Variants in ERICH6B observed in about 807,000 individuals in gnomAD.
The protein encoded by ERICH6B is glutamate rich 6B.
A neutral mutation model predicts 80.0 loss-of-function variants in ERICH6B; 69 were observed. The observed-to-expected ratio is 0.86, with a 90% confidence interval of 0.71 to 1.05. The LOEUF (loss-of-function observed/expected upper bound fraction) is 1.05. Ranked by LOEUF, ERICH6B falls within the 50% of genes least tolerant of loss-of-function variation. The pLI is 0.00. For synonymous variants in ERICH6B, 283 were observed against 291.9 expected, an observed-to-expected ratio of 0.97 and a Z score of 0.31; for missense variants, 754 against 796.1, an observed-to-expected ratio of 0.95 and a Z score of 0.64.
At chr13:45,602,331 C>T (rs1036939450) in intron 2 of ERICH6B, among the ~76,000 whole-genome samples, 1 of 152,206 alleles carries the variant, frequency 6.6e-6, no homozygotes, top group Admixed American at 6.5e-5. Flanking sequence ...AATGTGTCAG[C>T]ACATTTTCTG....
At chr13:45,558,283 T>C (rs543385416) in intron 11 of ERICH6B, among the ~76,000 whole-genome samples, 5 of 152,222 alleles carry the variant, frequency 3.3e-5, no homozygotes, top group Non-Finnish European at 5.9e-5. Flanking sequence ...TGTACACTAA[T>C]TTTGTATCTG....
At chr13:45,556,725 T>C (rs938071171) in intron 11 of ERICH6B, among the ~76,000 whole-genome samples, 1 of 152,166 alleles carries the variant, frequency 6.6e-6, no homozygotes. Flanking sequence ...GCAAATACCA[T>C]TAATTCGTTC....
At chr13:45,606,553 T>A (rs3992927) in intron 2 of ERICH6B, among the ~76,000 whole-genome samples, 1,053 of 24,224 alleles carry the variant, frequency 0.043, 7 homozygotes, top group Non-Finnish European at 0.11. Context: ...ATATATTTTT[T>A]TTTTTTTTTT....
intron 8 of ERICH6B, 25 bp downstream of exon 8, chr13:45,574,817 G>A (rs543245753): frequency 2.6e-6 from 4 of 1,510,396 alleles, no homozygotes; most frequent in Non-Finnish European, 3.6e-6. Flanking sequence ...CTGGGGGGGG[G>A]GTCTCAAGTT....
chr13:45,561,347 A>T, intron 11 of ERICH6B, 22 bp downstream of exon 11: 7 of 1,542,622 alleles, frequency 4.5e-6, no homozygotes, highest in Non-Finnish European at 4.4e-6. Context: ...AGTAAAAAAC[A>T]GCAATGTACT....
chr13:45,577,276 CTTTTTTTT>C lies in ERICH6B; in HGVS notation c.962-2354_962-2347del, dbSNP rs34244794. ...TCTCCTGGACTGATTAAAAACAAAT[CTTTTTTTT>C]TTTTTTTTTTTTTTTTTTGAGACGG... is the stretch of plus-strand genomic sequence containing the variant. On this transcript the variant is annotated intron_variant, in intron 7 of 14. Transcript: ENST00000298738. 9.3e-5 allele frequency among the ~76,000 whole-genome samples: 8 copies of C among 86,094 alleles called. No individual in the cohort carries two copies. In the South Asian group the frequency reaches 1.6e-3, roughly 18 times the overall value. The allele number at this position is 86,094 out of a possible 152,430, so 56.5% of individuals were successfully genotyped here.
Position 45,571,083 on chromosome 13 carries a change from C to T in ERICH6B, c.1051-2632G>A, listed in dbSNP as rs116779885. 1.7e-3 allele frequency among the ~76,000 whole-genome samples: 259 copies of T among 152,328 alleles called. 1 individual carries two copies. The highest frequency in any genetic ancestry group is 6.0e-3 in the African/African-American group (251 of 41,576). ...GACGTGCTGCTTTGCCAAGCTGCAT[C>T]ACTGCCTATCCTGGGAATGCAGTGT... is the stretch of plus-strand genomic sequence containing the variant. On this transcript the variant is annotated intron_variant, in intron 8 of 14. Coordinates refer to ENST00000298738, the MANE Select transcript of ERICH6B (RefSeq NM_182542.3).
At chr13:45,594,374 G>A (rs908547086) in intron 3 of ERICH6B, among the ~76,000 whole-genome samples, 4 of 152,122 alleles carry the variant, frequency 2.6e-5, no homozygotes, top group Non-Finnish European at 1.5e-5. Context: ...CATTGTATTT[G>A]TCCTACTCTA....
At chr13:45,564,039 C>G (rs1346381939) in intron 9 of ERICH6B, among the ~76,000 whole-genome samples, 1 of 152,166 alleles carries the variant, frequency 6.6e-6, no homozygotes, top group Admixed American at 6.5e-5. Context: ...AACCCTAAAC[C>G]CTTCGAAACG....
intron 5 of ERICH6B, among the ~76,000 whole-genome samples, chr13:45,582,592 C>G (rs1175539606): frequency 6.6e-6 from 1 of 152,152 alleles, no homozygotes; most frequent in African/African-American, 2.4e-5. Context: ...ATAAATATTC[C>G]TTCTAAATCT....
chr13:45,572,031 A>G (rs1875194366), intron 8 of ERICH6B, among the ~76,000 whole-genome samples: 2 of 152,228 alleles, frequency 1.3e-5, no homozygotes, highest in South Asian at 4.1e-4. Context: ...GGCTTAGCAA[A>G]CTAATACAGA....
chr13:45,586,972 C>T lies in ERICH6B; in HGVS notation c.856+91G>A, dbSNP rs955390713. On this transcript the variant is annotated intron_variant, in intron 5 of 14. Transcript: ENST00000298738. ...TATCATTAGCATGAAAGGCAATACT[C>T]GAGCCACAATATTTCACATGCACAA... 3.0e-5 allele frequency: 40 copies of T among 1,347,454 alleles called. No homozygotes were observed. In the African/African-American group the frequency reaches 3.8e-4, roughly 13 times the overall value. 83.5% of individuals were successfully genotyped at this position (1,347,454 alleles called of 1,614,324 possible). A position where few individuals can be genotyped will look rare whatever the true frequency, so the allele number is the denominator to read the frequency against.
intron 14 of ERICH6B, among the ~76,000 whole-genome samples, chr13:45,542,352 C>A (rs929978607): frequency 1.3e-5 from 2 of 152,224 alleles, no homozygotes; most frequent in Non-Finnish European, 2.9e-5. Context: ...CTAGTGTCAC[C>A]CAGGAAGTGG....
Position 45,541,622 on chromosome 13 carries a change from G to A in ERICH6B, c.1931C>T (p.Pro644Leu), listed in dbSNP as rs1873781060. 1.3e-6 allele frequency: 2 copies of A among 1,551,550 alleles called. No individual in the cohort carries two copies. Among genetic ancestry groups the A allele is most frequent in the Non-Finnish European group, 8.7e-7 (1 of 1,147,020 alleles). The change falls in exon 15 of 15, where the codon CCC becomes CTC. Residue 644 changes from proline (P) to leucine (L), a missense_variant. Coordinates refer to ENST00000298738, the MANE Select transcript of ERICH6B (RefSeq NM_182542.3). The stretch of plus-strand genomic sequence containing the variant: ...CCGGATCTTCTGGGCTGTTGGGCCG[G>A]GTTCTGCCTCCAGGATGGTTTTCTT... ...MKKKTILEAE[P>L]GPTAQKIRVL...
chr13:45,590,854 T>G (rs897823922), intron 3 of ERICH6B, among the ~76,000 whole-genome samples, 157 bp from the exon 4 acceptor site: 8 of 152,322 alleles, frequency 5.3e-5, no homozygotes, highest in Non-Finnish European at 7.4e-5. Context: ...CCTTTAAAAA[T>G]TACTGGGTTG....
rs1207112451 is a variant in ERICH6B, at chr13:45,609,819, G to T, written c.-110-2204C>A. Among the ~76,000 whole-genome samples, 3 of 152,184 alleles carry T rather than the reference G, an allele frequency of 2.0e-5. No homozygotes were observed. The South Asian group carries it at 6.2e-4, about 32-fold the overall frequency. On this transcript the variant is annotated intron_variant, in intron 1 of 14. Coordinates refer to ENST00000298738, the MANE Select transcript of ERICH6B (RefSeq NM_182542.3). ...ACGCTCTGAGAAACTGCATCATTAG[G>T]CAATTTTGCCATTGTGTTGAAACCA...
At chr13:45,546,924 C>T (rs1165481330) in intron 13 of ERICH6B, among the ~76,000 whole-genome samples, 3 of 152,206 alleles carry the variant, frequency 2.0e-5, no homozygotes. Context: ...GAGCAAACTT[C>T]TAAGGTCCTT....
At position 45,543,168 on chromosome 13, in the gene ERICH6B, G is replaced by A. The variant is rs564853215; in HGVS notation, c.1873-1488C>T. 1.5e-3 allele frequency among the ~76,000 whole-genome samples: 225 copies of A among 152,270 alleles called. 2 individuals carry two copies. Among genetic ancestry groups the A allele is most frequent in the African/African-American group, 4.5e-3 (189 of 41,560 alleles). The stretch of plus-strand genomic sequence containing the variant: ...ATGGGCCGGGGGAGCTGAGCAGGAA[G>A]AGAACCTTGCTTAGGCCTCACGGGG... On this transcript the variant is annotated intron_variant, in intron 14 of 14. Transcript: ENST00000298738.
intron 7 of ERICH6B, among the ~76,000 whole-genome samples, chr13:45,578,118 C>T (rs150284171): frequency 4.6e-5 from 7 of 152,286 alleles, no homozygotes; most frequent in South Asian, 2.1e-4. Context: ...TAACAAGAAC[C>T]GCTACCCTCA....
Sources: gnomAD v4.1 joint callset for allele counts (sites outside exome capture counted in the v4.1 genomes callset) on GRCh38, gnomAD v4.1.1 for gene constraint, MANE v1.5 for transcripts, NCBI Gene and HGNC (gene_info 2026-07-23, HGNC 2026-07-21) for gene names.